P4HA1: variants seen among roughly 807,000 people sequenced by gnomAD.
P4HA1 encodes prolyl 4-hydroxylase subunit alpha 1.
P4HA1 carries 24 observed loss-of-function variants against 72.8 expected under a neutral mutation model. The ratio of observed to expected loss-of-function variants is 0.33; its 90% confidence interval spans 0.24 to 0.46. The LOEUF (loss-of-function observed/expected upper bound fraction) is 0.46. P4HA1 is among the 20% of genes least tolerant of loss of function. P4HA1 has a pLI of 1.00. For synonymous variants in P4HA1, 201 were observed against 218.8 expected (o/e 0.92, Z 0.72); for missense variants, 446 against 640.6 (o/e 0.70, Z 3.28).
At chr10:73,033,709 A>G (rs1359568586) in intron 9 of P4HA1, among the ~76,000 whole-genome samples, 2 of 152,224 alleles carry the variant, frequency 1.3e-5, no homozygotes, top group Non-Finnish European at 2.9e-5. Context: ...TCTGCTTCAC[A>G]TTATATTAAA....
Position 73,072,159 on chromosome 10 carries a change from C to T in P4HA1, c.195G>A (p.Arg65=), listed in dbSNP as rs1344930392. ...GATCTTTTGTCGCTGTACTAGTTAG[C>T]CGATCTAACTTCTCTGCCCATCTAC... ...QIKKWAEKLD[R]LTSTATKDPE... The change falls in exon 4 of 15, where the codon CGG becomes CGA. Residue 65 remains arginine (R), a synonymous_variant. Coordinates refer to ENST00000394890, the MANE Select transcript of P4HA1 (RefSeq NM_001017962.3). The T allele has an allele frequency of 1.2e-6, 2 of 1,611,922 alleles. No homozygotes were observed. Among genetic ancestry groups the T allele is most frequent in the East Asian group, 2.2e-5 (1 of 44,832 alleles).
At chr10:73,092,692 A>T (rs1033695764) in intron 1 of P4HA1, among the ~76,000 whole-genome samples, 5 of 148,982 alleles carry the variant, frequency 3.4e-5, no homozygotes, top group African/African-American at 5.0e-5. Flanking sequence ...AAAAAAAAAA[A>T]TTTAAATATA....
chr10:73,022,868 T>C (rs538427235), intron 10 of P4HA1, among the ~76,000 whole-genome samples: 11 of 152,268 alleles, frequency 7.2e-5, no homozygotes, highest in African/African-American at 1.9e-4. Flanking sequence ...CGGTAGCCGA[T>C]TTGATCAAGT....
At chr10:73,013,047 C>T (rs189654967) in intron 12 of P4HA1, among the ~76,000 whole-genome samples, 100 of 152,288 alleles carry the variant, frequency 6.6e-4, no homozygotes, top group Non-Finnish European at 1.2e-3. Context: ...CTGCCCGCCT[C>T]GGCCTCTCAA....
chr10:73,026,906 T>C (rs1485270373), intron 10 of P4HA1, among the ~76,000 whole-genome samples: 1 of 152,218 alleles, frequency 6.6e-6, no homozygotes, highest in Non-Finnish European at 1.5e-5. Flanking sequence ...AGATACCATC[T>C]CATGCCAGTT....
chr10:73,087,654 G>A (rs1199435157), intron 1 of P4HA1, among the ~76,000 whole-genome samples: 1 of 151,776 alleles, frequency 6.6e-6, no homozygotes, highest in African/African-American at 2.4e-5. Flanking sequence ...TTTTAATTAG[G>A]TTGTTTACTT....
At chr10:73,012,954 C>T (rs186413284) in intron 12 of P4HA1, among the ~76,000 whole-genome samples, 1 of 152,020 alleles carries the variant, frequency 6.6e-6, no homozygotes, top group Non-Finnish European at 1.5e-5. Context: ...TGCCACCACA[C>T]CCAGCTAATT....
chr10:73,067,791 G>A (rs1041538006), intron 5 of P4HA1, among the ~76,000 whole-genome samples: 1 of 151,976 alleles, frequency 6.6e-6, no homozygotes, highest in Non-Finnish European at 1.5e-5. Flanking sequence ...TCCAGCAATA[G>A]GTTTCTTTTG....
intron 9 of P4HA1, among the ~76,000 whole-genome samples, chr10:73,043,058 A>G (rs1311469563): frequency 1.3e-5 from 2 of 152,198 alleles, no homozygotes; most frequent in African/African-American, 4.8e-5. Flanking sequence ...AGCCTGTGTT[A>G]AAGACCTATA....
intron 4 of P4HA1, among the ~76,000 whole-genome samples, chr10:73,070,824 A>C (rs552956928): frequency 1.2e-4 from 18 of 152,310 alleles, no homozygotes; most frequent in African/African-American, 4.1e-4. Context: ...CAAAGTGCCA[A>C]GGTTCACATT....
intron 9 of P4HA1, among the ~76,000 whole-genome samples, chr10:73,039,518 A>G (rs1286606229): frequency 6.6e-6 from 1 of 151,780 alleles, no homozygotes; most frequent in African/African-American, 2.4e-5. Flanking sequence ...TGTGTTAGCC[A>G]GAACGGTCTC....
chr10:73,010,845 G>C, intron 13 of P4HA1, 124 bp downstream of exon 13: 1 of 682,432 alleles, frequency 1.5e-6, no homozygotes, highest in Non-Finnish European at 2.5e-6. Context: ...GCAACAGAGC[G>C]AGAACAGGTC....
chr10:73,069,663 A>G (rs189058191), intron 4 of P4HA1, among the ~76,000 whole-genome samples: 2 of 152,336 alleles, frequency 1.3e-5, no homozygotes, highest in African/African-American at 2.4e-5. Flanking sequence ...ATTACTGATA[A>G]CTATATAACC....
At chr10:73,058,800 G>T (rs886677696) in intron 5 of P4HA1, among the ~76,000 whole-genome samples, 1 of 124,324 alleles carries the variant, frequency 8.0e-6, no homozygotes. Flanking sequence ...TTTTTGAGAC[G>T]AAGTCTCACT....
chr10:73,065,672 A>T (rs1207367664), intron 5 of P4HA1, among the ~76,000 whole-genome samples: 1 of 152,206 alleles, frequency 6.6e-6, no homozygotes, highest in Non-Finnish European at 1.5e-5. Flanking sequence ...TCTGGAAAGC[A>T]ATCTGGCCAC....
chr10:73,014,580 C>T (rs1031227255), intron 11 of P4HA1, among the ~76,000 whole-genome samples: 1 of 152,040 alleles, frequency 6.6e-6, no homozygotes, highest in African/African-American at 2.4e-5. Flanking sequence ...GCCTCAAATA[C>T]GTGATGACTG....
chr10:73,023,455 T>C (rs928232028), intron 10 of P4HA1, among the ~76,000 whole-genome samples: 2 of 152,176 alleles, frequency 1.3e-5, no homozygotes, highest in Non-Finnish European at 2.9e-5. Flanking sequence ...CTGAGAGATT[T>C]TGTCACCACC....
chr10:73,057,030 A>G (rs1171962994), intron 5 of P4HA1, among the ~76,000 whole-genome samples: 3 of 151,658 alleles, frequency 2.0e-5, no homozygotes, highest in African/African-American at 4.8e-5. Context: ...ACTGCACTCC[A>G]GCCTGAGTGA....
intron 9 of P4HA1, among the ~76,000 whole-genome samples, chr10:73,035,805 A>G (rs2133070419): frequency 6.6e-6 from 1 of 152,328 alleles, no homozygotes; most frequent in East Asian, 1.9e-4. Context: ...TGCCAGTTTC[A>G]ATCCTTTTAT....
Sources: gnomAD v4.1 joint callset for allele counts (sites outside exome capture counted in the v4.1 genomes callset) on GRCh38, gnomAD v4.1.1 for gene constraint, MANE v1.5 for transcripts, NCBI Gene and HGNC (gene_info 2026-07-23, HGNC 2026-07-21) for gene names.